Variants in ERN1 observed in about 807,000 individuals in gnomAD.
The protein encoded by ERN1 is endoplasmic reticulum to nucleus signaling 1.
In ERN1, 39 loss-of-function variants were observed where a neutral mutation model predicts 113.1. The observed-to-expected ratio is 0.34, with a 90% CI of 0.27 to 0.45. The LOEUF (loss-of-function observed/expected upper bound fraction) is 0.45, where lower values mean the gene tolerates loss of function less well. Ranked by LOEUF, ERN1 falls within the 20% of genes least tolerant of loss-of-function variation. ERN1 has a pLI of 1.00. For synonymous variants in ERN1, 507 were observed against 515.9 expected, an observed-to-expected ratio of 0.98 and a Z score of 0.23; for missense variants, 976 against 1,274.8, an observed-to-expected ratio of 0.77 and a Z score of 3.57.
intron 1 of ERN1, among the ~76,000 whole-genome samples, chr17:64,104,265 A>C (rs940123469): frequency 2.6e-5 from 4 of 152,106 alleles, no homozygotes; most frequent in African/African-American, 9.7e-5. Flanking sequence ...CAAATAAACA[A>C]ACAAAAAACA....
rs371270903 is a variant in ERN1 at position 64,082,227 on chromosome 17, GCAAA to G, written c.176-1423_176-1420del. The stretch of plus-strand genomic sequence containing the variant: ...ACACACCATATGCGGTCTGTGGGCA[GCAAA>G]CAAACAACTCACTAAACCAAAAACA... On this transcript the variant is annotated intron_variant, in intron 2 of 21. Coordinates refer to ENST00000433197, the MANE Select transcript of ERN1 (RefSeq NM_001433.5). Among the ~76,000 whole-genome samples the G allele has an allele frequency of 2.4e-4, 37 of 152,316 alleles. No homozygotes were observed. The East Asian group carries it at 2.9e-3, about 12-fold the overall frequency.
At chr17:64,101,842 A>T (rs1914393387) in intron 1 of ERN1, among the ~76,000 whole-genome samples, 2 of 152,232 alleles carry the variant, frequency 1.3e-5, no homozygotes, top group South Asian at 4.1e-4. Context: ...AATATTAAAA[A>T]GGGTTAATAT....
chr17:64,096,124 T>C (rs1363634602), intron 2 of ERN1, among the ~76,000 whole-genome samples: 1 of 152,216 alleles, frequency 6.6e-6, no homozygotes, highest in Non-Finnish European at 1.5e-5. Flanking sequence ...GGACCCATAC[T>C]GGTCTGTGGA....
chr17:64,056,567 T>C (rs1912877731), intron 12 of ERN1, among the ~76,000 whole-genome samples: 1 of 152,192 alleles, frequency 6.6e-6, no homozygotes. Flanking sequence ...CGAGGCCACA[T>C]GCCTCTCAAA....
chr17:64,104,711 C>G (rs1014278344), intron 1 of ERN1, among the ~76,000 whole-genome samples: 6 of 151,976 alleles, frequency 3.9e-5, no homozygotes, highest in African/African-American at 7.3e-5. Flanking sequence ...CCCAGCCACC[C>G]AGGAGACTGA....
chr17:64,111,339 G>A (rs1468444116), intron 1 of ERN1, among the ~76,000 whole-genome samples: 2 of 151,556 alleles, frequency 1.3e-5, no homozygotes, highest in Non-Finnish European at 2.9e-5. Context: ...CTTCCGCCTA[G>A]CCTGGAGGTC....
chr17:64,089,771 G>C (rs1345792672), intron 2 of ERN1, among the ~76,000 whole-genome samples: 2 of 152,176 alleles, frequency 1.3e-5, no homozygotes, highest in African/African-American at 4.8e-5. Context: ...GATAAATGCA[G>C]TGGGAGAAAG....
intron 13 of ERN1, among the ~76,000 whole-genome samples, chr17:64,055,396 T>C (rs1912827143): frequency 6.6e-6 from 1 of 152,216 alleles, no homozygotes; most frequent in South Asian, 2.1e-4. Flanking sequence ...GGAACTCTCT[T>C]CAGCCCAATG....
intron 1 of ERN1, among the ~76,000 whole-genome samples, chr17:64,099,117 T>C (rs1416331680): frequency 6.6e-6 from 1 of 152,158 alleles, no homozygotes; most frequent in Non-Finnish European, 1.5e-5. Context: ...CAATAATATC[T>C]AAATGGCTAA....
At chr17:64,085,948 A>T (rs1913910777) in intron 2 of ERN1, among the ~76,000 whole-genome samples, 1 of 152,152 alleles carries the variant, frequency 6.6e-6, no homozygotes, top group Admixed American at 6.5e-5. Flanking sequence ...AGACTGAGTG[A>T]GCTTGCTGAA....
chr17:64,050,750 T>G (rs75513363), intron 17 of ERN1, among the ~76,000 whole-genome samples: 86 of 152,310 alleles, frequency 5.6e-4, no homozygotes, highest in African/African-American at 2.0e-3. Flanking sequence ...GCACAAGATT[T>G]CTATGACTTA....
At chr17:64,122,843 A>G (rs1914987229) in intron 1 of ERN1, among the ~76,000 whole-genome samples, 1 of 152,240 alleles carries the variant, frequency 6.6e-6, no homozygotes, top group African/African-American at 2.4e-5. Flanking sequence ...TAAATGGGTT[A>G]GATAAGTTGT....
At chr17:64,112,486 T>C (rs539687307) in intron 1 of ERN1, among the ~76,000 whole-genome samples, 3 of 152,182 alleles carry the variant, frequency 2.0e-5, no homozygotes, top group Non-Finnish European at 2.9e-5. Context: ...GAAACTCACC[T>C]ATGATGCTGC....
intron 1 of ERN1, among the ~76,000 whole-genome samples, chr17:64,125,070 T>C (rs1197934800): frequency 6.6e-6 from 1 of 152,226 alleles, no homozygotes; most frequent in African/African-American, 2.4e-5. Context: ...TGCAGAATTC[T>C]GTCAATATAC....
intron 2 of ERN1, among the ~76,000 whole-genome samples, chr17:64,087,658 T>A (rs183461377): frequency 3.3e-5 from 5 of 152,330 alleles, no homozygotes; most frequent in Admixed American, 3.3e-4. Context: ...GATACTACTC[T>A]TCTTACTTTG....
chr17:64,073,334 A>ATTTTTT (rs775654259), intron 5 of ERN1, among the ~76,000 whole-genome samples: 4 of 134,432 alleles, frequency 3.0e-5, no homozygotes, highest in South Asian at 2.4e-4. Context: ...ACACCCAGCA[A>ATTTTTT]ATTTTTTTTT....
At chr17:64,058,195 T>C (rs1567864540) in intron 11 of ERN1, among the ~76,000 whole-genome samples, 1 of 152,346 alleles carries the variant, frequency 6.6e-6, no homozygotes, top group East Asian at 1.9e-4. Context: ...CCATGCATCT[T>C]TGCAGTGAGG....
Position 64,079,693 on chromosome 17 carries a change from G to A in ERN1, c.251C>T (p.Thr84Met), listed in dbSNP as rs767786281. 12 of 1,613,678 alleles carry A rather than the reference G, an allele frequency of 7.4e-6. No individual in the cohort carries two copies. The highest frequency in any genetic ancestry group is 6.7e-5 in the East Asian group (3 of 44,894). The change falls in exon 4 of 22, where the codon ACG becomes ATG. Residue 84 changes from threonine (T) to methionine (M), a missense_variant. Physicochemically the swap from Thr to Met is moderately conservative, Grantham distance 81. Coordinates refer to ENST00000433197, the MANE Select transcript of ERN1 (RefSeq NM_001433.5). ...LPDPNDGSLYTLGSKNNEGLT... is the reference protein window; with the variant it reads ...LPDPNDGSLYMLGSKNNEGLT... ...GCCTTCATTATTCTTGCTTCCAAGC[G>A]TATACAGGCTGCCATCATTAGGATC...
chr17:64,100,029 G>C (rs1401988135), intron 1 of ERN1, among the ~76,000 whole-genome samples: 1 of 152,166 alleles, frequency 6.6e-6, no homozygotes, highest in Non-Finnish European at 1.5e-5. Context: ...AGTATAAATC[G>C]GCCAGGAAAA....
Sources: allele counts gnomAD v4.1 joint callset (sites outside exome capture counted in the v4.1 genomes callset), GRCh38; gene constraint gnomAD v4.1.1; transcripts MANE v1.5; gene names NCBI Gene and HGNC (gene_info 2026-07-23, HGNC 2026-07-21).